PLXNA4: variants seen among roughly 807,000 people sequenced by gnomAD.
PLXNA4 encodes plexin A4, also known as plexin-A4.
A neutral mutation model predicts 191.8 loss-of-function variants in PLXNA4; 44 were observed. The ratio of observed to expected loss-of-function variants is 0.23; its 90% CI spans 0.18 to 0.29. The LOEUF (loss-of-function observed/expected upper bound fraction) is 0.29. PLXNA4 is among the 10% of genes least tolerant of loss of function. PLXNA4 has a pLI of 1.00. For synonymous variants in PLXNA4, 1,082 were observed against 1,009.5 expected, an observed-to-expected ratio of 1.07 and a Z score of -1.36; for missense variants, 1,800 against 2,488.8, an observed-to-expected ratio of 0.72 and a Z score of 5.89.
rs117932455 is a variant in PLXNA4, at chr7:132,348,455, C to G, written c.1372-50233G>C. ...ATGCATGAAGGAAGGTTAGTCCGTC[C>G]TCACTCCAAACCTGTTCTCTTCAGA... is the stretch of plus-strand genomic sequence containing the variant. On this transcript the variant is annotated intron_variant, in intron 3 of 31. Transcript: ENST00000321063. Among the ~76,000 whole-genome samples the G allele has an allele frequency of 1.8e-3, 277 of 152,314 alleles. 7 individuals carry two copies. In the East Asian group the frequency reaches 0.033, roughly 18 times the overall value.
intron 2 of PLXNA4, among the ~76,000 whole-genome samples, chr7:132,499,260 A>G (rs1798151926): frequency 6.6e-6 from 1 of 152,246 alleles, no homozygotes; most frequent in South Asian, 2.1e-4. Flanking sequence ...CCCTCTGAGA[A>G]GCAGACAGGG....
At chr7:132,205,055 C>T (rs1322209136) in intron 10 of PLXNA4, among the ~76,000 whole-genome samples, 1 of 152,190 alleles carries the variant, frequency 6.6e-6, no homozygotes, top group Non-Finnish European at 1.5e-5. Context: ...TGACCAATGG[C>T]ACCCGGGCCA....
At chr7:132,268,482 T>C (rs1203337223) in intron 4 of PLXNA4, among the ~76,000 whole-genome samples, 1 of 152,204 alleles carries the variant, frequency 6.6e-6, no homozygotes. Context: ...GAAATTTTGT[T>C]TGGATCACTG....
At chr7:132,329,782 G>T (rs956475359) in intron 3 of PLXNA4, among the ~76,000 whole-genome samples, 2 of 152,180 alleles carry the variant, frequency 1.3e-5, no homozygotes, top group African/African-American at 4.8e-5. Flanking sequence ...GCCCCAAAAA[G>T]AAATGAAGGC....
chr7:132,454,790 C>G (rs924969023), intron 3 of PLXNA4, among the ~76,000 whole-genome samples: 2 of 151,914 alleles, frequency 1.3e-5, no homozygotes, highest in East Asian at 2.0e-4. Context: ...AAGAGAGAAG[C>G]CTGAGGAGAA....
chr7:132,410,710 C>A (rs1418708872), intron 3 of PLXNA4, among the ~76,000 whole-genome samples: 1 of 152,220 alleles, frequency 6.6e-6, no homozygotes, highest in Non-Finnish European at 1.5e-5. Context: ...TCACTCCCCT[C>A]CCCAAGGCGC....
At chr7:132,512,174 G>A (rs374828035) in intron 1 of PLXNA4, among the ~76,000 whole-genome samples, 18 of 152,208 alleles carry the variant, frequency 1.2e-4, no homozygotes, top group African/African-American at 3.1e-4. Context: ...GGTGCAGGTC[G>A]GGGCTCCGCC....
chr7:132,200,630 C>G (rs1797402409), intron 12 of PLXNA4, among the ~76,000 whole-genome samples: 1 of 152,186 alleles, frequency 6.6e-6, no homozygotes, highest in East Asian at 1.9e-4. Flanking sequence ...AGGGCCACCC[C>G]AAGGGGCTGC....
chr7:132,231,225 T>C (rs1015452636), intron 5 of PLXNA4, among the ~76,000 whole-genome samples: 13 of 152,164 alleles, frequency 8.5e-5, no homozygotes, highest in Admixed American at 1.3e-4. Flanking sequence ...ACCTACCTAA[T>C]ACGGTTATTA....
intron 3 of PLXNA4, among the ~76,000 whole-genome samples, chr7:132,405,564 AGGAGGTGTC>A (rs1794186123): frequency 1.3e-5 from 2 of 152,104 alleles, no homozygotes; most frequent in African/African-American, 4.8e-5. Context: ...CTCCCAGGGG[AGGAGGTGTC>A]GGCTTAGCAG....
intron 30 of PLXNA4, 133 bp from the exon 31 acceptor site, chr7:132,133,332 C>T: frequency 3.5e-6 from 5 of 1,427,720 alleles, no homozygotes; most frequent in Non-Finnish European, 3.7e-6. Context: ...GTGCTGTGGC[C>T]ACCTGGGGAC....
chr7:132,326,343 TTATG>T (rs1802356269), intron 3 of PLXNA4, among the ~76,000 whole-genome samples: 1 of 152,172 alleles, frequency 6.6e-6, no homozygotes, highest in East Asian at 1.9e-4. Flanking sequence ...ACAAACCTCT[TTATG>T]TATGTAAATA....
chr7:132,482,555 CACAGAAACTGTATGTATGATA>C, intron 3 of PLXNA4, among the ~76,000 whole-genome samples: 1 of 152,268 alleles, frequency 6.6e-6, no homozygotes, highest in Admixed American at 6.5e-5. Context: ...ATTCCAGAAC[CACAGAAACTGTATGTATGATA>C]ATAAGTGTTG....
chr7:132,131,016 C>T (rs1213207735), intron 31 of PLXNA4, among the ~76,000 whole-genome samples: 1 of 152,128 alleles, frequency 6.6e-6, no homozygotes, highest in Non-Finnish European at 1.5e-5. Flanking sequence ...CCCTTCCTCC[C>T]GCAGAAATAA....
At position 132,476,840 on chromosome 7, in the gene PLXNA4, T is replaced by G. The variant is rs192678076; in HGVS notation, c.1371+12452A>C. Among the ~76,000 whole-genome samples, 359 of 152,310 alleles carry G rather than the reference T, an allele frequency of 2.4e-3. 1 individual carries two copies. Among genetic ancestry groups the G allele is most frequent in the African/African-American group, 8.3e-3 (344 of 41,570 alleles). ...ACACAATCTAATCATTGTATTTAAG[T>G]AGAAAAGTGCCCTCACTCTTAACAA... On this transcript the variant is annotated intron_variant, in intron 3 of 31. Coordinates refer to ENST00000321063, the MANE Select transcript of PLXNA4 (RefSeq NM_020911.2).
intron 2 of PLXNA4, among the ~76,000 whole-genome samples, chr7:132,491,808 T>C (rs560212483): frequency 9.2e-5 from 14 of 152,248 alleles, no homozygotes; most frequent in Middle Eastern, 3.4e-3. Flanking sequence ...AGATTTAGTC[T>C]GATCTTTACC....
intron 4 of PLXNA4, among the ~76,000 whole-genome samples, chr7:132,256,080 G>A (rs148856467): frequency 6.6e-6 from 1 of 152,350 alleles, no homozygotes; most frequent in Admixed American, 6.5e-5. Context: ...CTGTGTGCCG[G>A]CATGTTGGGA....
intron 3 of PLXNA4, among the ~76,000 whole-genome samples, chr7:132,344,840 G>T (rs918283171): frequency 2.6e-5 from 4 of 152,156 alleles, no homozygotes; most frequent in African/African-American, 4.8e-5. Context: ...CATCTGCAAG[G>T]CTTGCAGGCA....
intron 3 of PLXNA4, among the ~76,000 whole-genome samples, chr7:132,303,323 C>A (rs1801381525): frequency 7.1e-6 from 1 of 141,772 alleles, no homozygotes; most frequent in African/African-American, 2.6e-5. Context: ...GTAATCCCAA[C>A]ACTTTGGGAA....
Sources: allele counts gnomAD v4.1 joint callset (sites outside exome capture counted in the v4.1 genomes callset), GRCh38; gene constraint gnomAD v4.1.1; transcripts MANE v1.5; gene names NCBI Gene and HGNC (gene_info 2026-07-23, HGNC 2026-07-21).